Variants in SDK1 observed in about 807,000 individuals in gnomAD.
The protein encoded by SDK1 is sidekick cell adhesion molecule 1.
Under a neutral mutation model 245.5 loss-of-function variants are expected in SDK1, and 157 were observed. The ratio of observed to expected loss-of-function variants is 0.64; its 90% confidence interval spans 0.56 to 0.73. SDK1 has a LOEUF of 0.73. SDK1 is among the 30% of genes least tolerant of loss of function. SDK1 has a pLI of 0.00. For synonymous variants in SDK1, 1,647 were observed against 1,278.5 expected (o/e 1.29, Z -6.15); for missense variants, 3,583 against 3,002.3 (o/e 1.19, Z -4.52).
chr7:3,432,156 T>C (rs527255385), intron 1 of SDK1, among the ~76,000 whole-genome samples: 13 of 148,220 alleles, frequency 8.8e-5, no homozygotes, highest in African/African-American at 9.8e-5. Context: ...TTAAAAAATA[T>C]ATATTTTTAT....
At chr7:3,582,557 G>C (rs1780538371) in intron 1 of SDK1, among the ~76,000 whole-genome samples, 1 of 152,050 alleles carries the variant, frequency 6.6e-6, no homozygotes, top group East Asian at 1.9e-4. Flanking sequence ...GGAGGGAAAT[G>C]ATAAGAAAAT....
At chr7:3,310,117 T>G (rs1779515851) in intron 1 of SDK1, among the ~76,000 whole-genome samples, 1 of 152,196 alleles carries the variant, frequency 6.6e-6, no homozygotes. Flanking sequence ...TTTGCTTCTG[T>G]GTCTGTGCTG....
chr7:3,381,572 A>G (rs1781487801), intron 1 of SDK1, among the ~76,000 whole-genome samples: 1 of 152,166 alleles, frequency 6.6e-6, no homozygotes, highest in South Asian at 2.1e-4. Context: ...AAGGCTGGCG[A>G]TACTGTAGCA....
intron 2 of SDK1, among the ~76,000 whole-genome samples, chr7:3,624,998 C>A (rs1736817078): frequency 1.3e-5 from 2 of 152,114 alleles, no homozygotes; most frequent in African/African-American, 4.8e-5. Flanking sequence ...AAGATCATGC[C>A]ATTGCACTCC....
At chr7:3,401,125 A>G (rs1207625223) in intron 1 of SDK1, among the ~76,000 whole-genome samples, 1 of 152,218 alleles carries the variant, frequency 6.6e-6, no homozygotes, top group African/African-American at 2.4e-5. Context: ...GGGAGCTGTC[A>G]TTGTGAGTCT....
chr7:3,489,092 A>T (rs929691645), intron 1 of SDK1, among the ~76,000 whole-genome samples: 1 of 152,166 alleles, frequency 6.6e-6, no homozygotes. Flanking sequence ...CTAGCGATAC[A>T]GAGTGGGTAA....
At chr7:3,520,827 A>G (rs201914529) in intron 1 of SDK1, among the ~76,000 whole-genome samples, 2 of 152,318 alleles carry the variant, frequency 1.3e-5, no homozygotes, top group African/African-American at 4.8e-5. Context: ...TAGACCTTGC[A>G]CAGCCATATT....
Position 3,506,365 on chromosome 7 carries a change from G to C in SDK1, c.299-112715G>C, listed in dbSNP as rs150876109. Among the ~76,000 whole-genome samples, 665 of 152,212 alleles carry C rather than the reference G, an allele frequency of 4.4e-3. 18 individuals carry two copies. Among genetic ancestry groups the C allele is most frequent in the Admixed American group, 0.04 (607 of 15,286 alleles). ...CAGTAATCACTCTTACCTATTCCCT[G>C]TGTAAGTTGTATTTTTTCCCTTTGT... On this transcript the variant is annotated intron_variant, in intron 1 of 44. Coordinates refer to ENST00000404826, the MANE Select transcript of SDK1 (RefSeq NM_152744.4).
intron 42 of SDK1, 139 bp downstream of exon 42, chr7:4,237,923 G>C: frequency 9.4e-7 from 1 of 1,066,352 alleles, no homozygotes; most frequent in Non-Finnish European, 1.3e-6. Flanking sequence ...AATGCAATAG[G>C]TTTTCTTTCT....
intron 1 of SDK1, among the ~76,000 whole-genome samples, chr7:3,519,642 A>T (rs1481003314): frequency 6.6e-6 from 1 of 152,108 alleles, no homozygotes; most frequent in Non-Finnish European, 1.5e-5. Context: ...AGATTAAGTG[A>T]TTTGTCCAGT....
At chr7:4,039,858 A>G (rs1404775513) in intron 17 of SDK1, among the ~76,000 whole-genome samples, 2 of 152,312 alleles carry the variant, frequency 1.3e-5, no homozygotes, top group East Asian at 3.8e-4. Context: ...AAATTTTAAA[A>G]ATCATTTTTG....
intron 4 of SDK1, among the ~76,000 whole-genome samples, chr7:3,814,067 G>C (rs1161264556): frequency 9.3e-5 from 12 of 129,500 alleles, no homozygotes; most frequent in Admixed American, 2.4e-4. Context: ...TAGGTTGCCT[G>C]TTCACTCTGA....
chr7:3,757,541 A>C (rs1651526025), intron 4 of SDK1, among the ~76,000 whole-genome samples: 1 of 152,138 alleles, frequency 6.6e-6, no homozygotes, highest in African/African-American at 2.4e-5. Flanking sequence ...CTGACCAGGA[A>C]GTCACTTTAC....
At chr7:3,732,606 A>G (rs1779212557) in intron 4 of SDK1, among the ~76,000 whole-genome samples, 2 of 152,220 alleles carry the variant, frequency 1.3e-5, no homozygotes, top group South Asian at 4.1e-4. Flanking sequence ...TGTCCTCGGG[A>G]AGCATTCAAA....
At chr7:4,215,608 T>A (rs1784752604) in intron 38 of SDK1, among the ~76,000 whole-genome samples, 1 of 152,188 alleles carries the variant, frequency 6.6e-6, no homozygotes, top group Admixed American at 6.5e-5. Flanking sequence ...GCAGACATGC[T>A]GAGTCTAGTG....
chr7:3,745,714 G>T (rs115963503), intron 4 of SDK1, among the ~76,000 whole-genome samples: 2 of 151,982 alleles, frequency 1.3e-5, no homozygotes, highest in South Asian at 2.1e-4. Context: ...TGCCCCTGCC[G>T]TTTAACATTG....
chr7:4,218,458 T>C (rs1401145943), intron 38 of SDK1, among the ~76,000 whole-genome samples: 1 of 152,186 alleles, frequency 6.6e-6, no homozygotes, highest in African/African-American at 2.4e-5. Flanking sequence ...AATATATGTT[T>C]GATAAAAGGC....
chr7:3,848,369 A>T (rs1780333284), intron 5 of SDK1, among the ~76,000 whole-genome samples: 1 of 152,170 alleles, frequency 6.6e-6, no homozygotes, highest in Non-Finnish European at 1.5e-5. Context: ...ACTTTTCCTG[A>T]CAGTCCTGTC....
chr7:3,658,564 G>C (rs369717900), intron 4 of SDK1, among the ~76,000 whole-genome samples: 1 of 149,248 alleles, frequency 6.7e-6, no homozygotes, highest in Admixed American at 6.7e-5. Context: ...TAATTCAGTG[G>C]TTTTTAGTAT....
Sources: gnomAD v4.1 joint callset for allele counts (sites outside exome capture counted in the v4.1 genomes callset) on GRCh38, gnomAD v4.1.1 for gene constraint, MANE v1.5 for transcripts, NCBI Gene and HGNC (gene_info 2026-07-23, HGNC 2026-07-21) for gene names.